ATP2C1: variants seen among roughly 807,000 people sequenced by gnomAD.
ATP2C1 encodes the protein ATPase secretory pathway Ca2+ transporting 1.
ATP2C1 carries 31 observed loss-of-function variants against 120.5 expected under a neutral mutation model. The ratio of observed to expected loss-of-function variants is 0.26; its 90% CI spans 0.19 to 0.35. The LOEUF (loss-of-function observed/expected upper bound fraction) is 0.35. ATP2C1 is among the 10% of genes least tolerant of loss of function. The probability of loss-of-function intolerance (pLI) is 1.00; values close to 1 mark genes in which losing one functional copy is unlikely to be tolerated. For missense variants in ATP2C1, 731 were observed against 1,107.5 expected (o/e 0.66, Z 4.83); for synonymous variants, 351 against 358.7 (o/e 0.98, Z 0.24).
intron 8 of ATP2C1, among the ~76,000 whole-genome samples, chr3:130,943,359 T>C (rs373367949): frequency 3.3e-5 from 5 of 152,146 alleles, no homozygotes; most frequent in African/African-American, 1.2e-4. Context: ...AGATTACAGG[T>C]GCCTGCCACC....
At chr3:130,955,297 T>G (rs1298497792) in intron 10 of ATP2C1, among the ~76,000 whole-genome samples, 1 of 152,204 alleles carries the variant, frequency 6.6e-6, no homozygotes, top group African/African-American at 2.4e-5. Context: ...CTTTACTCAT[T>G]GTTTATAGCA....
intron 1 of ATP2C1, among the ~76,000 whole-genome samples, chr3:130,865,732 C>T (rs1384129846): frequency 6.6e-6 from 1 of 152,132 alleles, no homozygotes; most frequent in Non-Finnish European, 1.5e-5. Flanking sequence ...GTAAGAAGTG[C>T]CTTTCACTTC....
intron 26 of ATP2C1, among the ~76,000 whole-genome samples, chr3:130,998,984 A>C (rs2062763911): frequency 1.3e-5 from 2 of 152,216 alleles, no homozygotes; most frequent in African/African-American, 4.8e-5. Flanking sequence ...TATTCATTTC[A>C]GCTTTAAAGC....
intron 2 of ATP2C1, among the ~76,000 whole-genome samples, chr3:130,896,289 G>A (rs1322495111): frequency 2.0e-5 from 3 of 152,188 alleles, no homozygotes; most frequent in Admixed American, 6.5e-5. Flanking sequence ...ATCTACTGAG[G>A]TGGGAGGGGG....
intron 8 of ATP2C1, among the ~76,000 whole-genome samples, chr3:130,948,796 T>G (rs938612565): frequency 6.6e-6 from 1 of 152,218 alleles, no homozygotes. Context: ...TTTGTATCTC[T>G]GTGTCACATT....
At position 130,997,777 on chromosome 3, in the gene ATP2C1, A is replaced by G. The variant is rs201936827; in HGVS notation, c.2391+24A>G. 5.8e-5 allele frequency: 93 copies of G among 1,611,468 alleles called. No individual in the cohort carries two copies. In the African/African-American group the frequency reaches 9.5e-4, roughly 16 times the overall value. On this transcript the variant is annotated intron_variant, in intron 25 of 27. Transcript: ENST00000510168. Reference sequence around the variant, plus strand: ...AGGTATATTCACTGGCCAAGCTGCTATATTAACATGAATTCTGTATATCTG... The same window carrying G: ...AGGTATATTCACTGGCCAAGCTGCTGTATTAACATGAATTCTGTATATCTG...
chr3:130,904,866 CAATT>C (rs2058053027), intron 2 of ATP2C1, among the ~76,000 whole-genome samples: 1 of 151,942 alleles, frequency 6.6e-6, no homozygotes, highest in Admixed American at 6.6e-5. Context: ...ATTAATTATC[CAATT>C]AATTTATTTA....
intron 19 of ATP2C1, among the ~76,000 whole-genome samples, chr3:130,980,096 C>A (rs141098605): frequency 4.3e-4 from 66 of 152,266 alleles, no homozygotes; most frequent in Non-Finnish European, 4.3e-4. Context: ...TTATGTATAA[C>A]TACATGATTA....
chr3:130,914,912 C>T (rs1012919540), intron 2 of ATP2C1, among the ~76,000 whole-genome samples: 1 of 152,100 alleles, frequency 6.6e-6, no homozygotes, highest in Non-Finnish European at 1.5e-5. Flanking sequence ...GGATATTCTG[C>T]AGTTGTTATA....
chr3:130,991,627 A>G (rs574181798), intron 20 of ATP2C1, among the ~76,000 whole-genome samples: 61 of 152,092 alleles, frequency 4.0e-4, no homozygotes, highest in Non-Finnish European at 7.5e-4. Flanking sequence ...TTCTTTTTTT[A>G]TATGGAAGGG....
upstream of ATP2C1, chr3:130,893,980 A>G: frequency 1.0e-6 from 1 of 985,596 alleles, no homozygotes; most frequent in South Asian, 4.7e-5. Flanking sequence ...TCTCAGCGGA[A>G]GTAATAGTGA....
At chr3:130,852,248 G>C (rs2067697089) in intron 1 of ATP2C1, among the ~76,000 whole-genome samples, 1 of 152,176 alleles carries the variant, frequency 6.6e-6, no homozygotes, top group Non-Finnish European at 1.5e-5. Context: ...ATCTTTTAAT[G>C]TTCACGGGCT....
chr3:130,994,192 A>T (rs1577027032), intron 22 of ATP2C1, 94 bp downstream of exon 22: 1 of 1,452,556 alleles, frequency 6.9e-7, no homozygotes, highest in East Asian at 2.3e-5. Context: ...AAGAATTAGT[A>T]TTTAAACATT....
chr3:130,865,351 G>A (rs2068137550), intron 1 of ATP2C1, among the ~76,000 whole-genome samples: 1 of 152,166 alleles, frequency 6.6e-6, no homozygotes, highest in African/African-American at 2.4e-5. Flanking sequence ...AGGCTCATAG[G>A]CGGAAGGGAC....
chr3:130,941,811 C>T (rs1032200327), intron 8 of ATP2C1, 112 bp downstream of exon 8: 53 of 952,564 alleles, frequency 5.6e-5, no homozygotes, highest in Middle Eastern at 2.1e-4. Context: ...ATTTGGTATT[C>T]TACTTTAAAA....
chr3:130,935,917 T>A (rs1467491333), intron 5 of ATP2C1, among the ~76,000 whole-genome samples: 1 of 152,052 alleles, frequency 6.6e-6, no homozygotes, highest in Non-Finnish European at 1.5e-5. Flanking sequence ...CAAGGAAGGG[T>A]GATGATTGTG....
intron 17 of ATP2C1, among the ~76,000 whole-genome samples, chr3:130,969,979 A>T (rs188006796): frequency 2.2e-4 from 33 of 152,342 alleles, no homozygotes; most frequent in African/African-American, 7.9e-4. Flanking sequence ...TATATCACTC[A>T]TAGTTGCTAT....
intron 26 of ATP2C1, chr3:131,016,012 A>G (rs1361173986): frequency 2.6e-6 from 3 of 1,159,126 alleles, no homozygotes; most frequent in African/African-American, 1.5e-5. Flanking sequence ...CTCAAAATCA[A>G]TTACATTAAG....
chr3:130,998,284 C>T lies in ATP2C1; in HGVS notation c.2392-10C>T, dbSNP rs2062726533. ...CACTGAAAAGTAATTTTGTTATTGCCTCTTGACAGCTACGAGACAATGTGA... is the reference window on the plus strand; with the variant it reads ...CACTGAAAAGTAATTTTGTTATTGCTTCTTGACAGCTACGAGACAATGTGA... On this transcript the variant is annotated splice_polypyrimidine_tract_variant and intron_variant, in intron 25 of 27. Coordinates refer to ENST00000510168, the MANE Select transcript of ATP2C1 (RefSeq NM_001378687.1). 1 of 1,588,052 alleles carries T rather than the reference C, an allele frequency of 6.3e-7. No homozygotes were observed. Among genetic ancestry groups the T allele is most frequent in the Non-Finnish European group, 8.6e-7 (1 of 1,156,368 alleles).
Sources: allele counts gnomAD v4.1 joint callset (sites outside exome capture counted in the v4.1 genomes callset), GRCh38; gene constraint gnomAD v4.1.1; transcripts MANE v1.5; gene names NCBI Gene and HGNC (gene_info 2026-07-23, HGNC 2026-07-21).